The following FARP1 variants were observed in gnomAD, a reference collection of about 807,000 sequenced individuals.
The protein encoded by FARP1 is FERM, ARH/RhoGEF and pleckstrin domain protein 1.
In FARP1, 52 loss-of-function variants were observed where a neutral mutation model predicts 128.8. That is an observed-to-expected ratio of 0.40 (90% CI 0.32 to 0.51). The LOEUF (loss-of-function observed/expected upper bound fraction) is 0.51, where lower values mean the gene tolerates loss of function less well. FARP1 is among the 20% of genes least tolerant of loss of function. The pLI, the probability that FARP1 is intolerant of heterozygous loss-of-function variation, is 0.45. For missense variants in FARP1, 1,333 were observed against 1,367.9 expected (o/e 0.97, Z 0.40); for synonymous variants, 580 against 551.8 (o/e 1.05, Z -0.72).
rs531007618 is a variant in FARP1, at chr13:98,194,261, C to T, written c.-23-18959C>T. 1.2e-3 allele frequency among the ~76,000 whole-genome samples: 186 copies of T among 152,178 alleles called. 3 individuals carry two copies. The highest frequency in any genetic ancestry group is 4.1e-3 in the African/African-American group (172 of 41,526). ...CCTCCCGAGTAGCTGGGATTACAGG[C>T]GCCTGCTACCATGCCTGGCTGATTT... On this transcript the variant is annotated intron_variant, in intron 1 of 26. Coordinates refer to ENST00000319562, the MANE Select transcript of FARP1 (RefSeq NM_005766.4).
chr13:98,351,130 A>G (rs1888404676), intron 3 of FARP1, among the ~76,000 whole-genome samples: 1 of 143,904 alleles, frequency 6.9e-6, no homozygotes, highest in Admixed American at 7.2e-5. Context: ...CTCTGCCTCC[A>G]GCCCAGCCCT....
Position 98,453,168 on chromosome 13 carries a change from G to A in FARP1, c.*4851G>A. 1 of 1,613,686 alleles carries A rather than the reference G, an allele frequency of 6.2e-7. No individual in the cohort carries two copies. On this transcript the variant is annotated 3_prime_UTR_variant, in exon 27 of 27. Transcript: ENST00000319562. ...AAAAACAAAACCCCAAATGCCAAAG[G>A]AATTTCAGTGGGATGAAGTTCCTCC...
At chr13:98,252,430 T>G (rs528338852) in intron 2 of FARP1, among the ~76,000 whole-genome samples, 3 of 152,300 alleles carry the variant, frequency 2.0e-5, no homozygotes, top group Admixed American at 2.0e-4. Flanking sequence ...ATATTTTCAT[T>G]TATTAAAATT....
rs142772825 is a variant in FARP1, at chr13:98,312,419, G to A, written c.172-31343G>A. Reference sequence around the variant, plus strand: ...CTCCCAAAATGCTGGGATTACAGGCGTGAGACACTGCGCCCAGCCAGTAAA... The same window carrying A: ...CTCCCAAAATGCTGGGATTACAGGCATGAGACACTGCGCCCAGCCAGTAAA... On this transcript the variant is annotated intron_variant, in intron 2 of 26. Transcript: ENST00000319562. Among the ~76,000 whole-genome samples, 95 of 152,286 alleles carry A rather than the reference G, an allele frequency of 6.2e-4. 1 individual carries two copies. The East Asian group carries it at 0.014, about 22-fold the overall frequency.
intron 3 of FARP1, among the ~76,000 whole-genome samples, chr13:98,355,179 T>G (rs1888589858): frequency 6.6e-6 from 1 of 151,982 alleles, no homozygotes; most frequent in African/African-American, 2.4e-5. Flanking sequence ...GAAACCCCTC[T>G]ACAAAAAATA....
At chr13:98,292,175 C>A (rs1279219969) in intron 2 of FARP1, among the ~76,000 whole-genome samples, 1 of 152,196 alleles carries the variant, frequency 6.6e-6, no homozygotes, top group Non-Finnish European at 1.5e-5. Flanking sequence ...ATCTTACATG[C>A]TGTGGATAAT....
intron 3 of FARP1, among the ~76,000 whole-genome samples, chr13:98,357,772 T>C (rs1888698891): frequency 6.6e-6 from 1 of 152,220 alleles, no homozygotes; most frequent in Admixed American, 6.5e-5. Flanking sequence ...TACCTGATTT[T>C]TAAAAATTGG....
chr13:98,418,449 A>AT (rs1891472606), intron 16 of FARP1, among the ~76,000 whole-genome samples: 1 of 151,744 alleles, frequency 6.6e-6, no homozygotes. Flanking sequence ...TAATTTTTGT[A>AT]TTTTTAGTAG....
intron 3 of FARP1, among the ~76,000 whole-genome samples, chr13:98,351,559 C>T (rs1218964842): frequency 6.7e-6 from 1 of 149,472 alleles, no homozygotes; most frequent in East Asian, 2.0e-4. Flanking sequence ...TCGCAGTGAG[C>T]TGAGATCACG....
chr13:98,422,608 G>A (rs1343327219), intron 16 of FARP1, among the ~76,000 whole-genome samples: 1 of 152,144 alleles, frequency 6.6e-6, no homozygotes, highest in Non-Finnish European at 1.5e-5. Context: ...ATGCTTAGTT[G>A]GAACCAATAG....
intron 13 of FARP1, chr13:98,399,338 A>C (rs1477767822): frequency 1.3e-5 from 2 of 152,206 alleles, no homozygotes; most frequent in Admixed American, 1.3e-4. Context: ...TGGTCTCCTC[A>C]GTGTCACTGT....
chr13:98,446,946 G>C (rs1378336164), intron 26 of FARP1, 129 bp downstream of exon 26: 1 of 988,540 alleles, frequency 1.0e-6, no homozygotes, highest in East Asian at 2.5e-5. Flanking sequence ...TTAGACCTGG[G>C]GTCCCACTGC....
intron 2 of FARP1, among the ~76,000 whole-genome samples, chr13:98,243,262 A>G (rs1396592199): frequency 6.6e-6 from 1 of 152,172 alleles, no homozygotes; most frequent in African/African-American, 2.4e-5. Flanking sequence ...ATTCATTTTA[A>G]TATTTCCTTT....
At chr13:98,414,192 G>C (rs1297407656) in intron 16 of FARP1, among the ~76,000 whole-genome samples, 1 of 152,128 alleles carries the variant, frequency 6.6e-6, no homozygotes, top group African/African-American at 2.4e-5. Flanking sequence ...ATTCCCAGAG[G>C]GTTTTCAGTA....
intron 2 of FARP1, among the ~76,000 whole-genome samples, chr13:98,312,749 A>G (rs1886533882): frequency 6.6e-6 from 1 of 152,144 alleles, no homozygotes; most frequent in South Asian, 2.1e-4. Flanking sequence ...CCTCTCCTGC[A>G]TAAGAACCAT....
chr13:98,354,578 A>G (rs372747144), intron 3 of FARP1, among the ~76,000 whole-genome samples: 35 of 152,372 alleles, frequency 2.3e-4, no homozygotes, highest in African/African-American at 6.0e-4. Flanking sequence ...TGATAAAACA[A>G]TTTTGAAAAG....
Position 98,174,773 on chromosome 13 carries a change from C to G in FARP1, c.-24+31281C>G, listed in dbSNP as rs531380019. 3.3e-5 allele frequency among the ~76,000 whole-genome samples: 5 copies of G among 152,252 alleles called. No homozygotes were observed. In the East Asian group the frequency reaches 9.7e-4, roughly 29 times the overall value. On this transcript the variant is annotated intron_variant, in intron 1 of 26. Coordinates refer to ENST00000319562, the MANE Select transcript of FARP1 (RefSeq NM_005766.4). ...CACATACTGTATGTCAGGCACTGTTCTAAATATGTTAATTTTTGCTTCAAA... is the reference window on the plus strand; with the variant it reads ...CACATACTGTATGTCAGGCACTGTTGTAAATATGTTAATTTTTGCTTCAAA...
intron 2 of FARP1, among the ~76,000 whole-genome samples, chr13:98,283,633 T>C (rs984258020): frequency 6.6e-6 from 1 of 152,038 alleles, no homozygotes; most frequent in Non-Finnish European, 1.5e-5. Flanking sequence ...TTTTAAGATA[T>C]TTGTTCTTGC....
chr13:98,143,509 GAACA>G lies in FARP1; in HGVS notation c.-24+19_-24+22del, dbSNP rs1202824747. ...GCTGTGGAGGTAGGAGGCGCGCGGT[GAACA>G]ATGACCGCGGCGGGAGGGCGGGGGC... On this transcript the variant is annotated intron_variant, in intron 1 of 26. Transcript: ENST00000319562. The G allele has an allele frequency of 6.6e-6, 1 of 150,384 alleles. No homozygotes were observed. Among genetic ancestry groups the G allele is most frequent in the Admixed American group, 6.6e-5 (1 of 15,120 alleles). The allele number at this position is 150,384 out of a possible 1,614,324, so 9.3% of individuals were successfully genotyped here.
Sources: gnomAD v4.1 joint callset for allele counts (sites outside exome capture counted in the v4.1 genomes callset) on GRCh38, gnomAD v4.1.1 for gene constraint, MANE v1.5 for transcripts, NCBI Gene and HGNC (gene_info 2026-07-23, HGNC 2026-07-21) for gene names.